Variants in SMOC2 observed in about 807,000 individuals in gnomAD.
The protein encoded by SMOC2 is SPARC-related modular calcium-binding protein 2.
A neutral mutation model predicts 61.4 loss-of-function variants in SMOC2; 39 were observed. The ratio of observed to expected loss-of-function variants is 0.64; its 90% CI spans 0.49 to 0.83. The LOEUF is 0.83. Among genes scored for constraint, SMOC2 ranks in the 40% least tolerant of loss-of-function variants. The pLI is 0.00. For synonymous variants in SMOC2, 247 were observed against 239.9 expected, an observed-to-expected ratio of 1.03 and a Z score of -0.27; for missense variants, 556 against 592.9, an observed-to-expected ratio of 0.94 and a Z score of 0.65.
intron 2 of SMOC2, among the ~76,000 whole-genome samples, chr6:168,518,051 TC>T (rs1783187413): frequency 6.6e-6 from 1 of 152,232 alleles, no homozygotes; most frequent in Non-Finnish European, 1.5e-5. Flanking sequence ...GAGCTCGTCC[TC>T]GTACTCAGCG....
At chr6:168,635,807 C>A (rs1472550017) in intron 9 of SMOC2, among the ~76,000 whole-genome samples, 1 of 150,050 alleles carries the variant, frequency 6.7e-6, no homozygotes, top group East Asian at 2.0e-4. Flanking sequence ...GGAGGCAGAG[C>A]TTGCAGTGAG....
At chr6:168,494,358 C>T (rs575350660) in intron 1 of SMOC2, among the ~76,000 whole-genome samples, 10 of 152,178 alleles carry the variant, frequency 6.6e-5, no homozygotes, top group African/African-American at 1.4e-4. Flanking sequence ...GCACCTAATG[C>T]GCACCCAACC....
chr6:168,623,800 T>A (rs1786311074), intron 9 of SMOC2, among the ~76,000 whole-genome samples: 1 of 152,038 alleles, frequency 6.6e-6, no homozygotes, highest in South Asian at 2.1e-4. Context: ...AAAAAATCAC[T>A]TCGACAGCCT....
rs529141579 is a variant in SMOC2, at chr6:168,630,796, G to A, written c.908-19885G>A. On this transcript the variant is annotated intron_variant, in intron 9 of 12. Transcript: ENST00000356284. ...TGAACTGGCCCCCCTGGGCATAGCC[G>A]TCTCTTACAGTCGAGATTGCAGAGA... is the stretch of plus-strand genomic sequence containing the variant. 4.6e-4 allele frequency among the ~76,000 whole-genome samples: 70 copies of A among 152,304 alleles called. 1 individual carries two copies. The highest frequency in any genetic ancestry group is 3.4e-3 in the Middle Eastern group (1 of 294).
chr6:168,636,671 A>G (rs1242879463), intron 9 of SMOC2, among the ~76,000 whole-genome samples: 1 of 152,216 alleles, frequency 6.6e-6, no homozygotes, highest in African/African-American at 2.4e-5. Flanking sequence ...TACTGCAGAC[A>G]AAGGTATCTC....
At position 168,615,202 on chromosome 6, in the gene SMOC2, G is replaced by T. The variant is rs1251488763; in HGVS notation, c.907+6963G>T. 6.1e-5 allele frequency among the ~76,000 whole-genome samples: 5 copies of T among 81,732 alleles called. 1 individual carries two copies. The highest frequency in any genetic ancestry group is 2.6e-4 in the African/African-American group (5 of 19,392). 53.6% of individuals were successfully genotyped at this position (81,732 alleles called of 152,430 possible). A position where few individuals can be genotyped will look rare whatever the true frequency, so the allele number is the denominator to read the frequency against. On this transcript the variant is annotated intron_variant, in intron 9 of 12. Transcript: ENST00000356284. ...CTCTTCACACCTACAGCCAGCACAG[G>T]GCCTCTTTATACCTACAGCCAGCAC...
chr6:168,659,086 T>C (rs1787407950), intron 11 of SMOC2, among the ~76,000 whole-genome samples: 1 of 150,300 alleles, frequency 6.7e-6, no homozygotes, highest in Non-Finnish European at 1.5e-5. Flanking sequence ...TGTATGTATG[T>C]GTATAGCATG....
At chr6:168,462,839 G>A (rs902772356) in intron 1 of SMOC2, among the ~76,000 whole-genome samples, 1 of 149,194 alleles carries the variant, frequency 6.7e-6, no homozygotes, top group African/African-American at 2.5e-5. Flanking sequence ...GTGTAGAGCT[G>A]TGTGATTTAG....
chr6:168,454,755 G>A (rs1212788839), intron 1 of SMOC2, among the ~76,000 whole-genome samples: 1 of 152,244 alleles, frequency 6.6e-6, no homozygotes, highest in Non-Finnish European at 1.5e-5. Context: ...TCTTGATTTG[G>A]AGGTGAGCTT....
chr6:168,478,016 C>T (rs1225941186), intron 1 of SMOC2, among the ~76,000 whole-genome samples: 3 of 152,120 alleles, frequency 2.0e-5, no homozygotes, highest in Admixed American at 6.5e-5. Context: ...AGAGGTACCC[C>T]GAGCATGTAG....
intron 11 of SMOC2, among the ~76,000 whole-genome samples, chr6:168,659,718 G>GGATGGAGATTGTTGGCTGGA (rs1562410957): frequency 1.6e-4 from 8 of 51,604 alleles, no homozygotes; most frequent in Admixed American, 1.9e-4. Context: ...TGTAGGCTGA[G>GGATGGAGATTGTTGGCTGGA]TGAGGGTGGA....
chr6:168,659,143 G>A (rs1168099307), intron 11 of SMOC2, among the ~76,000 whole-genome samples: 1 of 151,992 alleles, frequency 6.6e-6, no homozygotes, highest in East Asian at 1.9e-4. Context: ...ATCAAGCTCT[G>A]TTAGGGCAAA....
At chr6:168,662,739 G>A (rs899489046) in intron 11 of SMOC2, among the ~76,000 whole-genome samples, 3 of 152,178 alleles carry the variant, frequency 2.0e-5, no homozygotes, top group African/African-American at 4.8e-5. Context: ...GGGCGGTTCC[G>A]GCCACGGAGC....
rs374864075 is a variant in SMOC2 at position 168,476,256 on chromosome 6, C to T, written c.85-33659C>T. Among the ~76,000 whole-genome samples the T allele has an allele frequency of 2.6e-4, 40 of 152,156 alleles. 1 individual carries two copies. The highest frequency in any genetic ancestry group is 9.7e-4 in the East Asian group (5 of 5,178). The stretch of plus-strand genomic sequence containing the variant: ...GGGAGTGTTTTTGACCCACAATTTT[C>T]GTGATATATAGTTAATCAATCACTC... On this transcript the variant is annotated intron_variant, in intron 1 of 12. Transcript: ENST00000356284.
intron 7 of SMOC2, among the ~76,000 whole-genome samples, chr6:168,549,456 T>C (rs1366809151): frequency 6.6e-6 from 1 of 152,208 alleles, no homozygotes; most frequent in Non-Finnish European, 1.5e-5. Context: ...TATTATATAC[T>C]GTATTCTTAC....
At chr6:168,508,061 C>A (rs1405817555) in intron 1 of SMOC2, among the ~76,000 whole-genome samples, 1 of 152,148 alleles carries the variant, frequency 6.6e-6, no homozygotes, top group East Asian at 1.9e-4. Flanking sequence ...GAGGACCCCG[C>A]CTGGATTTCT....
chr6:168,615,282 A>ACGGGGCC (rs1786042493), intron 9 of SMOC2, among the ~76,000 whole-genome samples: 1 of 88,546 alleles, frequency 1.1e-5, no homozygotes, highest in African/African-American at 4.7e-5. Flanking sequence ...TACAGCCAGC[A>ACGGGGCC]TGGGGCCTCT....
rs1368342583 is a variant in SMOC2 at position 168,544,314 on chromosome 6, G to C, written c.511+642G>C. Among the ~76,000 whole-genome samples the C allele has an allele frequency of 6.6e-6, 1 of 152,140 alleles. No individual in the cohort carries two copies. Among genetic ancestry groups the C allele is most frequent in the Non-Finnish European group, 1.5e-5 (1 of 68,012 alleles). ...TCTCTTACATCAGCCTTTAAAGTCA[G>C]ACGTTGTTTTCAAGATGAGAAGAAA... On this transcript the variant is annotated intron_variant, in intron 5 of 12. Coordinates refer to ENST00000356284, the MANE Select transcript of SMOC2 (RefSeq NM_001166412.2). This position sits in a 1 kb window ranked among gnomAD's most constrained non-coding sequence, Gnocchi z 4.1.
chr6:168,666,434 G>C lies in SMOC2; in HGVS notation c.1337G>C (p.Gly446Ala). 1 of 1,613,840 alleles carries C rather than the reference G, an allele frequency of 6.2e-7. No individual in the cohort carries two copies. The highest frequency in any genetic ancestry group is 8.5e-7 in the Non-Finnish European group (1 of 1,179,982). ...TTTCCTTTTCAGCCAAGGAAACAAG[G>C]ATAAATGGCTCATACCCCGAAGGCA... ...STSNRQPRKQ[G>A] The change falls in exon 13 of 13, where the codon GGA (glycine) becomes GCA (alanine). Residue 446 changes from glycine to alanine, a missense_variant. Coordinates refer to ENST00000356284, the MANE Select transcript of SMOC2 (RefSeq NM_001166412.2).
Sources: allele counts gnomAD v4.1 joint callset (sites outside exome capture counted in the v4.1 genomes callset), GRCh38; gene constraint gnomAD v4.1.1; non-coding constraint Gnocchi (gnomAD v3.1); transcripts MANE v1.5; gene names NCBI Gene and HGNC (gene_info 2026-07-23, HGNC 2026-07-21).